Variants in TEAD4 observed in about 807,000 individuals in gnomAD.
The protein encoded by TEAD4 is transcriptional enhancer factor TEF-3.
A neutral mutation model predicts 52.4 loss-of-function variants in TEAD4; 36 were observed. The observed-to-expected ratio is 0.69, with a 90% CI of 0.53 to 0.91. The LOEUF is 0.91. TEAD4 is among the 40% of genes least tolerant of loss of function. The probability of loss-of-function intolerance (pLI) is 0.00; values close to 1 mark genes in which losing one functional copy is unlikely to be tolerated. For synonymous variants in TEAD4, 220 were observed against 231.0 expected (o/e 0.95, Z 0.43); for missense variants, 508 against 583.9 (o/e 0.87, Z 1.34).
intron 10 of TEAD4, among the ~76,000 whole-genome samples, chr12:3,032,479 G>T (rs997096927): frequency 6.6e-6 from 1 of 152,184 alleles, no homozygotes; most frequent in Non-Finnish European, 1.5e-5. Flanking sequence ...GGCAGGGCAC[G>T]GTGGGCAGCA....
rs2098245814 is a variant in TEAD4 at position 2,994,735 on chromosome 12, C to T, written c.-29-3C>T. ...ACCGGGGCTGTGGTTCCTGTCCCCACAGGTCCAACGAGCGCTCCTCCAAGC... is the reference window on the plus strand; with the variant it reads ...ACCGGGGCTGTGGTTCCTGTCCCCATAGGTCCAACGAGCGCTCCTCCAAGC... On this transcript the variant is annotated splice_region_variant and splice_polypyrimidine_tract_variant and intron_variant, in intron 2 of 12. Transcript: ENST00000359864. This position sits in a 1 kb window ranked among gnomAD's most constrained non-coding sequence, Gnocchi z 4.7. The T allele has an allele frequency of 1.9e-6, 3 of 1,569,680 alleles. No individual in the cohort carries two copies. The highest frequency in any genetic ancestry group is 2.6e-6 in the Non-Finnish European group (3 of 1,157,760).
chr12:3,037,129 C>CT (rs1452198686), intron 10 of TEAD4, among the ~76,000 whole-genome samples: 2 of 152,206 alleles, frequency 1.3e-5, no homozygotes, highest in Non-Finnish European at 2.9e-5. Flanking sequence ...AGCAGCCTGT[C>CT]TGAGGCAAGG....
chr12:2,997,910 G>A (rs2098248547), intron 3 of TEAD4, among the ~76,000 whole-genome samples: 1 of 151,954 alleles, frequency 6.6e-6, no homozygotes, highest in Admixed American at 6.5e-5. Context: ...TCACATTGAT[G>A]TACAGCCATT....
intron 2 of TEAD4, among the ~76,000 whole-genome samples, chr12:2,978,402 TTTTTG>T (rs2098231528): frequency 6.6e-6 from 1 of 151,896 alleles, no homozygotes; most frequent in African/African-American, 2.4e-5. Flanking sequence ...TTTTTGTTTT[TTTTTG>T]TTTTGTTTTG....
rs539019015 is a variant in TEAD4, at chr12:2,959,624, C to A, written c.-123+143C>A. The A allele has an allele frequency of 6.6e-6, 1 of 151,174 alleles. No individual in the cohort carries two copies. Among genetic ancestry groups the A allele is most frequent in the African/African-American group, 2.4e-5 (1 of 41,298 alleles). 9.4% of individuals were successfully genotyped at this position (151,174 alleles called of 1,614,324 possible). A position where few individuals can be genotyped will look rare whatever the true frequency, so the allele number is the denominator to read the frequency against. ...CGTTCCCGCCTTGGACCTCTGCGCT[C>A]CGACGCGCTCCGTCCCGACCTCTGG... is the stretch of plus-strand genomic sequence containing the variant. On this transcript the variant is annotated intron_variant, in intron 1 of 12. Coordinates refer to ENST00000359864, the MANE Select transcript of TEAD4 (RefSeq NM_003213.4). The surrounding 1 kb of genome is among the most constrained non-coding windows in gnomAD (Gnocchi z 5.1).
At chr12:2,977,009 C>T (rs2098230289) in intron 2 of TEAD4, among the ~76,000 whole-genome samples, 1 of 152,222 alleles carries the variant, frequency 6.6e-6, no homozygotes, top group South Asian at 2.1e-4. Context: ...TCCCGCCCTC[C>T]ATCATCCCTC....
intron 2 of TEAD4, among the ~76,000 whole-genome samples, chr12:2,979,135 C>G (rs573176654): frequency 1.3e-5 from 2 of 152,246 alleles, no homozygotes; most frequent in South Asian, 4.1e-4. Context: ...AGGCTGGTCT[C>G]GAGCTCCCGA....
At chr12:2,982,637 C>A (rs2098235015) in intron 2 of TEAD4, among the ~76,000 whole-genome samples, 1 of 152,190 alleles carries the variant, frequency 6.6e-6, no homozygotes, top group South Asian at 2.1e-4. Flanking sequence ...GGGCCGCGGG[C>A]AGATAGGAGA....
chr12:3,027,446 T>C (rs1267252338), intron 10 of TEAD4, among the ~76,000 whole-genome samples: 1 of 152,208 alleles, frequency 6.6e-6, no homozygotes, highest in African/African-American at 2.4e-5. Context: ...ACTTAAAACA[T>C]ACAGGCCACG....
chr12:2,975,250 G>A (rs952229286), intron 2 of TEAD4, among the ~76,000 whole-genome samples: 9 of 151,236 alleles, frequency 6.0e-5, no homozygotes, highest in African/African-American at 1.7e-4. Context: ...TAGACTTCCC[G>A]TAGATACATT....
intron 2 of TEAD4, among the ~76,000 whole-genome samples, chr12:2,990,437 A>G (rs994449614): frequency 7.0e-6 from 1 of 142,156 alleles, no homozygotes; most frequent in Admixed American, 6.9e-5. Context: ...TTTTATATCT[A>G]GAATTTAGGC....
intron 2 of TEAD4, among the ~76,000 whole-genome samples, chr12:2,969,292 A>G (rs886788593): frequency 1.3e-5 from 2 of 152,216 alleles, no homozygotes; most frequent in African/African-American, 4.8e-5. Context: ...GTTAGGTATG[A>G]TAAGTTCTCT....
At chr12:2,965,774 T>G (rs10774089) in intron 2 of TEAD4, among the ~76,000 whole-genome samples, 84,734 of 151,862 alleles carry the variant, frequency 0.56, 24,321 homozygotes, top group Non-Finnish European at 0.63. Flanking sequence ...TTGATCTCTC[T>G]ACCTTGTGAT....
In TEAD4 at chr12:3,006,601, T is replaced by A. The variant is rs564940952; in HGVS notation, c.227-4403T>A. ...TGGGAGGCTGAGGCAGGAGAATCAC[T>A]TGAACCTGGGAGGCGGAGGTTGTGG... is the stretch of plus-strand genomic sequence containing the variant. On this transcript the variant is annotated intron_variant, in intron 3 of 12. Transcript: ENST00000359864. Among the ~76,000 whole-genome samples the A allele has an allele frequency of 1.7e-4, 26 of 152,116 alleles. 1 individual carries two copies. Among genetic ancestry groups the A allele is most frequent in the African/African-American group, 6.0e-4 (25 of 41,470 alleles).
chr12:3,034,054 C>G lies in TEAD4; in HGVS notation c.898-3914C>G, dbSNP rs112298165. 7.1e-3 allele frequency among the ~76,000 whole-genome samples: 1,073 copies of G among 151,388 alleles called. 63 individuals carry two copies. Among genetic ancestry groups the G allele is most frequent in the African/African-American group, 0.024 (986 of 40,748 alleles). On this transcript the variant is annotated intron_variant, in intron 10 of 12. Transcript: ENST00000359864. The stretch of plus-strand genomic sequence containing the variant: ...TGGGATCTCTCTTTCTCCCCCTGAC[C>G]CATTGCTCAACCCTAGCACTTGCAT...
At chr12:2,987,639 G>A (rs1218829648) in intron 2 of TEAD4, among the ~76,000 whole-genome samples, 1 of 151,130 alleles carries the variant, frequency 6.6e-6, no homozygotes, top group East Asian at 2.0e-4. Flanking sequence ...TTTCACCGTG[G>A]TCTCGATCTC....
At chr12:2,976,987 C>T (rs1296540515) in intron 2 of TEAD4, among the ~76,000 whole-genome samples, 2 of 152,234 alleles carry the variant, frequency 1.3e-5, no homozygotes, top group Non-Finnish European at 2.9e-5. Context: ...GCCTCCTGCT[C>T]CTTCCTCTCT....
rs559569467 is a variant in TEAD4 at position 2,966,822 on chromosome 12, T to A, written c.-30+6782T>A. Among the ~76,000 whole-genome samples, 16 of 152,250 alleles carry A rather than the reference T, an allele frequency of 1.1e-4. No individual in the cohort carries two copies. In the East Asian group the frequency reaches 2.5e-3, roughly 24 times the overall value. ...CCTGGGTTCAAGCGATTCTCCTGCC[T>A]CAGCTTCCTGAGTAGCTGGGATTAC... On this transcript the variant is annotated intron_variant, in intron 2 of 12. Coordinates refer to ENST00000359864, the MANE Select transcript of TEAD4 (RefSeq NM_003213.4).
chr12:2,993,230 C>T (rs568819895), intron 2 of TEAD4, among the ~76,000 whole-genome samples: 2 of 152,286 alleles, frequency 1.3e-5, no homozygotes, highest in East Asian at 1.9e-4. Flanking sequence ...CGTGCAAAAC[C>T]GAAACTCTGT....
Sources: gnomAD v4.1 joint callset for allele counts (sites outside exome capture counted in the v4.1 genomes callset) on GRCh38, gnomAD v4.1.1 for gene constraint, Gnocchi (gnomAD v3.1) non-coding constraint, MANE v1.5 for transcripts, NCBI Gene and HGNC (gene_info 2026-07-23, HGNC 2026-07-21) for gene names.